Variants in KALRN observed in about 807,000 individuals in gnomAD.
The protein encoded by KALRN is kalirin.
KALRN carries 70 observed loss-of-function variants against 353.7 expected under a neutral mutation model. That is an observed-to-expected ratio of 0.20 (90% CI 0.16 to 0.24). The LOEUF (loss-of-function observed/expected upper bound fraction) is 0.24. Ranked by LOEUF, KALRN falls within the 10% of genes least tolerant of loss-of-function variation. KALRN has a pLI of 1.00. For synonymous variants in KALRN, 1,391 were observed against 1,434.8 expected, an observed-to-expected ratio of 0.97 and a Z score of 0.69; for missense variants, 2,791 against 3,756.7, an observed-to-expected ratio of 0.74 and a Z score of 6.72.
In KALRN at chr3:124,398,757, G is replaced by A. The variant is rs376601266; in HGVS notation, c.2232G>A (p.Ser744=). ...GCAGCTCCATCAGCCACATCGAGTC[G>A]GTCCTGCAGCAGCTTGATGATGCCC... ...PHSSSISHIE[S]VLQQLDDAQV... is the part of the protein sequence containing the mutation. Residue 744 remains serine, a synonymous_variant, in exon 13 of 60, where the codon TCG becomes TCA. Coordinates refer to ENST00000682506, the MANE Select transcript of KALRN (RefSeq NM_001388419.1). 46 of 1,614,108 alleles carry A rather than the reference G, an allele frequency of 2.8e-5. No individual in the cohort carries two copies. The African/African-American group carries it at 3.6e-4, about 13-fold the overall frequency.
At chr3:124,044,814 A>ATTCC (rs72090008) in intron 1 of KALRN, among the ~76,000 whole-genome samples, 1 of 52,028 alleles carries the variant, frequency 1.9e-5, no homozygotes, top group African/African-American at 4.7e-5. Context: ...ATGAACACTG[A>ATTCC]TTCCTTCCTT....
intron 1 of KALRN, among the ~76,000 whole-genome samples, chr3:124,074,133 G>C (rs2149281755): frequency 6.6e-6 from 1 of 152,198 alleles, no homozygotes; most frequent in African/African-American, 2.4e-5. Flanking sequence ...AGGGGGTGCT[G>C]AGCTTACTCA....
At chr3:124,187,111 C>A (rs1036073276) in intron 1 of KALRN, among the ~76,000 whole-genome samples, 4 of 152,130 alleles carry the variant, frequency 2.6e-5, no homozygotes. Context: ...GAAAGAGACT[C>A]ACTCTGTCGC....
At chr3:124,292,801 C>T (rs1235660842) in intron 5 of KALRN, among the ~76,000 whole-genome samples, 1 of 152,158 alleles carries the variant, frequency 6.6e-6, no homozygotes, top group Non-Finnish European at 1.5e-5. Flanking sequence ...AATATATGCT[C>T]ATATGCAGAT....
chr3:124,061,306 T>A (rs1358844300), intron 1 of KALRN, among the ~76,000 whole-genome samples: 2 of 152,248 alleles, frequency 1.3e-5, no homozygotes, highest in Non-Finnish European at 1.5e-5. Flanking sequence ...TGCTTTTTTC[T>A]GTAGTAACTC....
At chr3:124,042,975 G>A (rs574025523) in intron 1 of KALRN, among the ~76,000 whole-genome samples, 8 of 152,192 alleles carry the variant, frequency 5.3e-5, no homozygotes, top group Admixed American at 5.2e-4. Flanking sequence ...ATATACAGGG[G>A]TATCTACAGT....
At chr3:124,460,796 G>T (rs1277325797) in intron 23 of KALRN, among the ~76,000 whole-genome samples, 2 of 152,128 alleles carry the variant, frequency 1.3e-5, no homozygotes, top group Non-Finnish European at 2.9e-5. Flanking sequence ...GAAAAATATA[G>T]AATATACCAC....
intron 1 of KALRN, among the ~76,000 whole-genome samples, chr3:124,070,245 G>T (rs1394606126): frequency 6.6e-6 from 1 of 152,146 alleles, no homozygotes; most frequent in Middle Eastern, 3.2e-3. Flanking sequence ...AAGTGGTGAT[G>T]GCTGAAAAAC....
intron 57 of KALRN, among the ~76,000 whole-genome samples, chr3:124,709,656 A>T (rs2062798851): frequency 6.6e-6 from 1 of 152,226 alleles, no homozygotes; most frequent in African/African-American, 2.4e-5. Flanking sequence ...AATAAATGGG[A>T]AATAGAATAG....
At chr3:124,569,151 G>A (rs1347300412) in intron 34 of KALRN, among the ~76,000 whole-genome samples, 1 of 152,176 alleles carries the variant, frequency 6.6e-6, no homozygotes, top group Non-Finnish European at 1.5e-5. Flanking sequence ...CTCTGCTTAT[G>A]AAACCAAGTC....
chr3:124,222,062 C>T (rs542675101), intron 1 of KALRN, among the ~76,000 whole-genome samples: 18 of 152,274 alleles, frequency 1.2e-4, no homozygotes, highest in African/African-American at 3.1e-4. Context: ...ACTGGCTTCT[C>T]TGTCCTTTAG....
chr3:124,642,101 G>A (rs1013721256), intron 37 of KALRN, among the ~76,000 whole-genome samples: 11 of 152,128 alleles, frequency 7.2e-5, no homozygotes, highest in African/African-American at 2.2e-4. Context: ...AGGCAACACG[G>A]TGAAACCCCA....
rs534962416 is a variant in KALRN, at chr3:124,497,267, T to C, written c.4935+854T>C. On this transcript the variant is annotated intron_variant, in intron 33 of 59. Transcript: ENST00000682506. ...ATGATCTTTTGTTGCCTCTTAGTGA[T>C]CTTATTAATGAAGTTCTGGGTTTCC... Among the ~76,000 whole-genome samples, 37 of 152,312 alleles carry C rather than the reference T, an allele frequency of 2.4e-4. No homozygotes were observed. In the South Asian group the frequency reaches 7.1e-3, roughly 29 times the overall value.
intron 1 of KALRN, among the ~76,000 whole-genome samples, chr3:124,071,885 A>G (rs551419307): frequency 1.3e-5 from 2 of 152,318 alleles, no homozygotes; most frequent in East Asian, 3.9e-4. Context: ...TGTCACAACT[A>G]TATAGGAAGG....
At chr3:124,199,685 A>G (rs1271519414) in intron 1 of KALRN, among the ~76,000 whole-genome samples, 1 of 152,218 alleles carries the variant, frequency 6.6e-6, no homozygotes, top group Non-Finnish European at 1.5e-5. Flanking sequence ...ATTACCATGC[A>G]GCGATCTAAG....
intron 6 of KALRN, among the ~76,000 whole-genome samples, chr3:124,319,849 C>T (rs1381919537): frequency 6.6e-6 from 1 of 151,892 alleles, no homozygotes; most frequent in African/African-American, 2.4e-5. Context: ...AAAAAATTAG[C>T]CAGGCATGGT....
intron 1 of KALRN, among the ~76,000 whole-genome samples, chr3:124,034,371 C>G (rs1180356524): frequency 6.6e-6 from 1 of 152,156 alleles, no homozygotes; most frequent in Non-Finnish European, 1.5e-5. Flanking sequence ...GCTGGTCCCT[C>G]TGACTTGAGA....
At chr3:124,184,350 AC>A (rs1450156053) in intron 1 of KALRN, among the ~76,000 whole-genome samples, 1 of 152,244 alleles carries the variant, frequency 6.6e-6, no homozygotes, top group African/African-American at 2.4e-5. Context: ...TGTAAGTATT[AC>A]ATAAGCATTA....
intron 9 of KALRN, among the ~76,000 whole-genome samples, chr3:124,337,483 G>A (rs2081255182): frequency 6.6e-6 from 1 of 152,186 alleles, no homozygotes; most frequent in Non-Finnish European, 1.5e-5. Flanking sequence ...TTGCATCCCA[G>A]GGATGGAGCT....
Sources: allele counts gnomAD v4.1 joint callset (sites outside exome capture counted in the v4.1 genomes callset), GRCh38; gene constraint gnomAD v4.1.1; transcripts MANE v1.5; gene names NCBI Gene and HGNC (gene_info 2026-07-23, HGNC 2026-07-21).